Variants in MRPS6 observed in about 807,000 individuals in gnomAD.
MRPS6 encodes small ribosomal subunit protein bS6m.
A neutral mutation model predicts 13.1 loss-of-function variants in MRPS6; 6 were observed. That is an observed-to-expected ratio of 0.46 (90% CI 0.25 to 0.91). The LOEUF (loss-of-function observed/expected upper bound fraction) is 0.91. Among genes scored for constraint, MRPS6 ranks in the 40% least tolerant of loss-of-function variants. MRPS6 has a pLI of 0.18. For missense variants in MRPS6, 164 were observed against 155.6 expected (o/e 1.05, Z -0.29); for synonymous variants, 61 against 56.5 (o/e 1.08, Z -0.36).
intron 2 of MRPS6, among the ~76,000 whole-genome samples, chr21:34,127,467 AATG>A (rs1436167301): frequency 1.3e-5 from 2 of 152,362 alleles, no homozygotes; most frequent in Non-Finnish European, 2.9e-5. Context: ...TTGGCACATA[AATG>A]ATGAGAAGCC....
At chr21:34,116,365 G>A (rs1306801183) in intron 1 of MRPS6, among the ~76,000 whole-genome samples, 1 of 149,652 alleles carries the variant, frequency 6.7e-6, no homozygotes, top group Non-Finnish European at 1.5e-5. Flanking sequence ...GGGAACAGGT[G>A]GTGTTTGGTT....
At chr21:34,134,534 T>C (rs919026807) in intron 2 of MRPS6, among the ~76,000 whole-genome samples, 3 of 152,190 alleles carry the variant, frequency 2.0e-5, no homozygotes, top group Non-Finnish European at 2.9e-5. Context: ...ACTGCATATA[T>C]TTAAAGTGTA....
intron 1 of MRPS6, chr21:34,095,747 C>T (rs371781200): frequency 9.3e-5 from 150 of 1,613,914 alleles, no homozygotes; most frequent in Non-Finnish European, 1.2e-4. Context: ...CAGTGATCTA[C>T]ACAGACACTC....
At chr21:34,103,328 A>AC (rs965794784) in intron 1 of MRPS6, 1 of 998,990 alleles carries the variant, frequency 1.0e-6, no homozygotes, top group African/African-American at 1.8e-5. Context: ...AAAAAAAAAA[A>AC]AAACATGCAT....
chr21:34,097,442 A>G (rs1979018872), intron 1 of MRPS6: 4 of 1,503,260 alleles, frequency 2.7e-6, no homozygotes, highest in Non-Finnish European at 3.5e-6. Context: ...TCTCTCAGGC[A>G]TTGTTTACGC....
chr21:34,122,411 A>AT (rs1980152586), intron 1 of MRPS6: 1 of 152,182 alleles, frequency 6.6e-6, no homozygotes, highest in South Asian at 2.1e-4. Context: ...AGTGAGATGA[A>AT]TGTGGCCATT....
At position 34,135,241 on chromosome 21, in the gene MRPS6, T is replaced by G. The variant is rs150417528; in HGVS notation, c.186-7167T>G. ...ACAAGTTGTTGTGTGGACACATGCT[T>G]TAATTTCTTTGGGGTAAATACCTAG... On this transcript the variant is annotated intron_variant, in intron 2 of 2. Transcript: ENST00000399312. 7.1e-4 allele frequency among the ~76,000 whole-genome samples: 108 copies of G among 152,278 alleles called. 1 individual carries two copies. The East Asian group carries it at 0.018, about 25-fold the overall frequency.
At chr21:34,114,688 C>T (rs1369909010) in intron 1 of MRPS6, among the ~76,000 whole-genome samples, 1 of 152,120 alleles carries the variant, frequency 6.6e-6, no homozygotes, top group African/African-American at 2.4e-5. Flanking sequence ...AAGTGAGCCC[C>T]CAAATTTGTC....
chr21:34,135,778 C>T (rs541834587), intron 2 of MRPS6: 31 of 495,106 alleles, frequency 6.3e-5, no homozygotes, highest in Admixed American at 2.1e-4. Context: ...CTTGATGATG[C>T]GCACAGTCAT....
Position 34,121,958 on chromosome 21 carries a change from G to A in MRPS6, c.46-3383G>A, listed in dbSNP as rs769753820. ...TTGAACAGCTCAACTGATGGTATTC[G>A]TTAGATGGTACCCGATGTGTCTACC... On this transcript the variant is annotated intron_variant, in intron 1 of 2. Transcript: ENST00000399312. Among the ~76,000 whole-genome samples the A allele has an allele frequency of 2.8e-4, 43 of 152,140 alleles. 1 individual carries two copies. Among genetic ancestry groups the A allele is most frequent in the Admixed American group, 6.5e-5 (1 of 15,268 alleles).
chr21:34,097,357 C>T (rs1979012780), intron 1 of MRPS6: 2 of 1,591,018 alleles, frequency 1.3e-6, no homozygotes, highest in African/African-American at 1.4e-5. Flanking sequence ...TCCTTATGAA[C>T]TTAAGGATAT....
intron 1 of MRPS6, among the ~76,000 whole-genome samples, chr21:34,113,230 A>C (rs565919128): frequency 3.3e-5 from 5 of 152,346 alleles, no homozygotes; most frequent in African/African-American, 1.2e-4. Context: ...CAGTCTTACT[A>C]CTGGATAAAT....
At chr21:34,095,324 G>A (rs756150929) in intron 1 of MRPS6, 17 of 1,614,002 alleles carry the variant, frequency 1.1e-5, no homozygotes, top group South Asian at 9.9e-5. Context: ...ACTTCCTGGC[G>A]GGGCGCTCTA....
Position 34,142,713 on chromosome 21 carries a change from G to A in MRPS6, c.*113G>A, listed in dbSNP as rs964362280. 5 of 1,264,436 alleles carry A rather than the reference G, an allele frequency of 4.0e-6. No individual in the cohort carries two copies. Among genetic ancestry groups the A allele is most frequent in the Non-Finnish European group, 5.2e-6 (5 of 968,878 alleles). The allele number at this position is 1,264,436 out of a possible 1,614,324, so 78.3% of individuals were successfully genotyped here. ...TATATAAGCATGTGTTGCAGGTGCTGTTTGATTTTTCTAAGGTATTTTTAG... is the reference window on the plus strand; with the variant it reads ...TATATAAGCATGTGTTGCAGGTGCTATTTGATTTTTCTAAGGTATTTTTAG... On this transcript the variant is annotated 3_prime_UTR_variant, in exon 3 of 3. Transcript: ENST00000399312.
rs1229143628 is a variant in MRPS6 at position 34,078,201 on chromosome 21, T to C, written c.45+4456T>C. Among the ~76,000 whole-genome samples, 6 of 152,260 alleles carry C rather than the reference T, an allele frequency of 3.9e-5. No homozygotes were observed. The East Asian group carries it at 9.6e-4, about 24-fold the overall frequency. ...GCTTAGCCTTGTATCTTTAATAATCTCTCTTTGTGTTTTATCTGCTTGAAA... is the reference window on the plus strand; with the variant it reads ...GCTTAGCCTTGTATCTTTAATAATCCCTCTTTGTGTTTTATCTGCTTGAAA... On this transcript the variant is annotated intron_variant, in intron 1 of 2. Coordinates refer to ENST00000399312, the MANE Select transcript of MRPS6 (RefSeq NM_032476.4).
Position 34,075,544 on chromosome 21 carries a change from C to CAA in MRPS6, c.45+1806_45+1807dup, listed in dbSNP as rs753570977. Among the ~76,000 whole-genome samples, 4 of 148,548 alleles carry CAA rather than the reference C, an allele frequency of 2.7e-5. 1 individual carries two copies. Among genetic ancestry groups the CAA allele is most frequent in the African/African-American group, 9.9e-5 (4 of 40,328 alleles). On this transcript the variant is annotated intron_variant, in intron 1 of 2. Transcript: ENST00000399312. The stretch of plus-strand genomic sequence containing the variant: ...AAATCTTCGCATGAGGGAAGGGGGG[C>CAA]AAAAAAAAGAAAAAAAGCCCTAGAA...
At chr21:34,124,040 CTCCACCCTT>C (rs1249696802) in intron 1 of MRPS6, 1 of 152,450 alleles carries the variant, frequency 6.6e-6, no homozygotes. Context: ...TCCTCTCCCC[CTCCACCCTT>C]TCTATTGATC....
At chr21:34,105,003 G>C in intron 1 of MRPS6, 1 of 1,000,044 alleles carries the variant, frequency 1.0e-6, no homozygotes, top group Non-Finnish European at 1.2e-6. Flanking sequence ...TAATTTCACT[G>C]TGAGATCTCT....
chr21:34,140,104 TG>T (rs1235501417), intron 2 of MRPS6, among the ~76,000 whole-genome samples: 1 of 152,166 alleles, frequency 6.6e-6, no homozygotes, highest in African/African-American at 2.4e-5. Flanking sequence ...TGATGTTCTC[TG>T]TTTTTCTTTT....
Sources: allele counts gnomAD v4.1 joint callset (sites outside exome capture counted in the v4.1 genomes callset), GRCh38; gene constraint gnomAD v4.1.1; transcripts MANE v1.5; gene names NCBI Gene and HGNC (gene_info 2026-07-23, HGNC 2026-07-21).